UTRN: variants seen among roughly 807,000 people sequenced by gnomAD.
UTRN encodes dystrophin-related protein 1.
In UTRN, 283 loss-of-function variants were observed where a neutral mutation model predicts 463.9. That is an observed-to-expected ratio of 0.61 (90% confidence interval 0.55 to 0.67). UTRN has a LOEUF of 0.67. Among genes scored for constraint, UTRN ranks in the 30% least tolerant of loss-of-function variants. The pLI, the probability that UTRN is intolerant of heterozygous loss-of-function variation, is 0.00. For missense variants in UTRN, 3,922 were observed against 4,084.3 expected (o/e 0.96, Z 1.08); for synonymous variants, 1,442 against 1,431.5 (o/e 1.01, Z -0.17).
intron 23 of UTRN, among the ~76,000 whole-genome samples, chr6:144,463,371 A>C: frequency 6.6e-6 from 1 of 152,210 alleles, no homozygotes; most frequent in Admixed American, 6.5e-5. Flanking sequence ...ACTACACCTG[A>C]AAATGTTGAC....
At chr6:144,590,882 G>GCACA (rs10612567) in intron 51 of UTRN, among the ~76,000 whole-genome samples, 2 of 147,084 alleles carry the variant, frequency 1.4e-5, no homozygotes, top group Admixed American at 6.7e-5. Context: ...ACACGCACAT[G>GCACA]CACACACACA....
At chr6:144,440,141 T>C (rs1485864178) in intron 12 of UTRN, among the ~76,000 whole-genome samples, 2 of 152,236 alleles carry the variant, frequency 1.3e-5, no homozygotes, top group South Asian at 2.1e-4. Context: ...CAGTCTGTTA[T>C]AACACTGCAT....
chr6:144,778,792 A>C (rs1052476456), intron 60 of UTRN, among the ~76,000 whole-genome samples: 1 of 147,498 alleles, frequency 6.8e-6, no homozygotes. Flanking sequence ...TTAAAGAAAA[A>C]GTCAGAAAGT....
intron 51 of UTRN, among the ~76,000 whole-genome samples, chr6:144,622,318 C>G (rs1379463571): frequency 6.7e-6 from 1 of 150,308 alleles, no homozygotes; most frequent in Non-Finnish European, 1.5e-5. Context: ...ACCCAAGTAG[C>G]TGGGATTACA....
At chr6:144,648,471 G>T (rs1249477137) in intron 51 of UTRN, among the ~76,000 whole-genome samples, 1 of 152,134 alleles carries the variant, frequency 6.6e-6, no homozygotes, top group East Asian at 1.9e-4. Flanking sequence ...TCAGTGAAAT[G>T]ATAAATCTTC....
intron 2 of UTRN, among the ~76,000 whole-genome samples, chr6:144,376,062 C>T (rs1780429330): frequency 6.6e-6 from 1 of 152,120 alleles, no homozygotes; most frequent in African/African-American, 2.4e-5. Flanking sequence ...TCACAGCTTC[C>T]TGCAGTCTTG....
intron 52 of UTRN, among the ~76,000 whole-genome samples, chr6:144,682,802 A>G (rs1034376016): frequency 6.6e-6 from 1 of 152,214 alleles, no homozygotes; most frequent in African/African-American, 2.4e-5. Context: ...ATAAAAGATA[A>G]AATAGTTTGT....
intron 43 of UTRN, among the ~76,000 whole-genome samples, chr6:144,534,533 A>T (rs574952181): frequency 2.0e-5 from 3 of 152,360 alleles, no homozygotes; most frequent in African/African-American, 7.2e-5. Flanking sequence ...AGTGTTTGGA[A>T]AATGTGCATG....
chr6:144,779,031 G>A (rs1424941002), intron 60 of UTRN, among the ~76,000 whole-genome samples: 4 of 152,178 alleles, frequency 2.6e-5, no homozygotes, highest in East Asian at 1.9e-4. Context: ...ATAGTCTGTG[G>A]GATGTGGCAA....
intron 45 of UTRN, among the ~76,000 whole-genome samples, chr6:144,540,036 C>G (rs923004026): frequency 3.5e-4 from 43 of 121,264 alleles, no homozygotes; most frequent in African/African-American, 1.5e-3. Flanking sequence ...CAGGGAGACC[C>G]TGTCTCAAAA....
chr6:144,604,573 T>C (rs1401453060), intron 51 of UTRN, among the ~76,000 whole-genome samples: 2 of 152,166 alleles, frequency 1.3e-5, no homozygotes, highest in Admixed American at 1.3e-4. Context: ...CAGTACAATA[T>C]GTGGAATACT....
At chr6:144,590,874 A>G (rs1232618426) in intron 51 of UTRN, among the ~76,000 whole-genome samples, 5 of 115,292 alleles carry the variant, frequency 4.3e-5, no homozygotes, top group African/African-American at 8.6e-5. Context: ...ACACACACAC[A>G]CGCACATGCA....
chr6:144,429,620 T>G lies in UTRN; in HGVS notation c.734T>G (p.Met245Arg). 6.2e-7 allele frequency: 1 copy of G among 1,610,874 alleles called. No individual in the cohort carries two copies. The highest frequency in any genetic ancestry group is 8.5e-7 in the Non-Finnish European group (1 of 1,178,376). ...VQLPDKKSII[M>R]YLTSLFEVLP... Reference sequence around the variant, plus strand: ...CTTCCTGACAAGAAATCCATAATTATGTATTTAACATCTTTGTTTGAGGTG... The same window carrying G: ...CTTCCTGACAAGAAATCCATAATTAGGTATTTAACATCTTTGTTTGAGGTG... The change falls in exon 9 of 75, where the codon ATG (methionine) becomes AGG (arginine). Residue 245 changes from methionine to arginine, a missense_variant. Transcript: ENST00000367545.
rs79047413 is a variant in UTRN at position 144,534,624 on chromosome 6, T to C, written c.6233+1364T>C. ...TCTTAGAACTTATTCTCTAAGCATA[T>C]TGCTGAATTTTGCCAATGATTGATT... On this transcript the variant is annotated intron_variant, in intron 43 of 74. Coordinates refer to ENST00000367545, the MANE Select transcript of UTRN (RefSeq NM_007124.3). Among the ~76,000 whole-genome samples, 117 of 152,354 alleles carry C rather than the reference T, an allele frequency of 7.7e-4. 2 individuals carry two copies. In the East Asian group the frequency reaches 0.019, roughly 25 times the overall value.
At position 144,488,843 on chromosome 6, in the gene UTRN, G is replaced by A. The variant is rs377514303; in HGVS notation, c.4134+9G>A. On this transcript the variant is annotated intron_variant, in intron 30 of 74. Coordinates refer to ENST00000367545, the MANE Select transcript of UTRN (RefSeq NM_007124.3). ...TTCCACAGGAAGCTCAGGTATTGCC[G>A]TGCATTTGAGGGCTTTTGAGCTGTA... 1.2e-5 allele frequency: 19 copies of A among 1,579,350 alleles called. No individual in the cohort carries two copies. Among genetic ancestry groups the A allele is most frequent in the Admixed American group, 7.0e-5 (4 of 57,340 alleles).
intron 41 of UTRN, among the ~76,000 whole-genome samples, chr6:144,528,354 T>C (rs1047178733): frequency 3.3e-5 from 5 of 152,108 alleles, no homozygotes; most frequent in Non-Finnish European, 7.4e-5. Context: ...TCTTTTTGGG[T>C]ATTTTAAAGA....
In UTRN at chr6:144,835,721, G is replaced by A; in HGVS notation, c.9666-59G>A. The stretch of plus-strand genomic sequence containing the variant: ...CCATCATTATTTCTACTTCCTTTAT[G>A]TCCAAAAACATCACCATCCAGATGT... On this transcript the variant is annotated intron_variant, in intron 69 of 74. Transcript: ENST00000367545. 4 of 1,598,774 alleles carry A rather than the reference G, an allele frequency of 2.5e-6. No individual in the cohort carries two copies. In the South Asian group the frequency reaches 3.4e-5, roughly 13 times the overall value.
chr6:144,529,790 A>T (rs919853794), intron 41 of UTRN, among the ~76,000 whole-genome samples: 4 of 152,014 alleles, frequency 2.6e-5, no homozygotes, highest in Non-Finnish European at 5.9e-5. Context: ...CATTTTATTT[A>T]AAAAATATAT....
chr6:144,706,186 T>C (rs2128701161), intron 53 of UTRN, among the ~76,000 whole-genome samples: 1 of 151,808 alleles, frequency 6.6e-6, no homozygotes. Context: ...TCAAAATCTC[T>C]TATGGGTGTG....
Sources: allele counts gnomAD v4.1 joint callset (sites outside exome capture counted in the v4.1 genomes callset), GRCh38; gene constraint gnomAD v4.1.1; transcripts MANE v1.5; gene names NCBI Gene and HGNC (gene_info 2026-07-23, HGNC 2026-07-21).